The following EXOC4 variants were observed in gnomAD, a reference collection of about 807,000 sequenced individuals.
The protein encoded by EXOC4 is SEC8-like 1.
Under a neutral mutation model 107.2 loss-of-function variants are expected in EXOC4, and 71 were observed. The observed-to-expected ratio is 0.66, with a 90% confidence interval of 0.55 to 0.81. The LOEUF (loss-of-function observed/expected upper bound fraction) is 0.81. Ranked by LOEUF, EXOC4 falls within the 30% of genes least tolerant of loss-of-function variation. The probability of loss-of-function intolerance (pLI) is 0.00; values close to 1 mark genes in which losing one functional copy is unlikely to be tolerated. For synonymous variants in EXOC4, 456 were observed against 441.2 expected (o/e 1.03, Z -0.42); for missense variants, 1,108 against 1,189.6 (o/e 0.93, Z 1.01).
At chr7:133,865,881 A>G (rs1585209136) in intron 11 of EXOC4, among the ~76,000 whole-genome samples, 2 of 152,330 alleles carry the variant, frequency 1.3e-5, no homozygotes, top group East Asian at 1.9e-4. Context: ...ATTCAATATG[A>G]AATTTGAGTA....
chr7:133,793,051 C>T (rs934931433), intron 10 of EXOC4, among the ~76,000 whole-genome samples: 7 of 152,032 alleles, frequency 4.6e-5, no homozygotes, highest in African/African-American at 1.4e-4. Context: ...CTGGTAACCC[C>T]GCCCATTTTC....
At chr7:133,939,026 A>G (rs1358431092) in intron 14 of EXOC4, among the ~76,000 whole-genome samples, 2 of 152,200 alleles carry the variant, frequency 1.3e-5, no homozygotes, top group African/African-American at 4.8e-5. Context: ...CTGGGATTAC[A>G]GGCGTGAGCA....
chr7:133,573,254 A>T (rs1433117011), intron 9 of EXOC4, among the ~76,000 whole-genome samples: 2 of 152,212 alleles, frequency 1.3e-5, no homozygotes, highest in African/African-American at 4.8e-5. Context: ...AAGCAACCGC[A>T]TTTTTACAGA....
rs148931895 is a variant in EXOC4 at position 133,648,872 on chromosome 7, G to A, written c.1514+18731G>A. Among the ~76,000 whole-genome samples the A allele has an allele frequency of 4.3e-3, 658 of 152,292 alleles. 2 individuals are homozygous for A. The highest frequency in any genetic ancestry group is 0.015 in the African/African-American group (631 of 41,568). Reference sequence around the variant, plus strand: ...CAATGTCGGCAACAATTTATGAAAGGAAAGCATTGGACATATTTAATTTTT... The same window carrying A: ...CAATGTCGGCAACAATTTATGAAAGAAAAGCATTGGACATATTTAATTTTT... On this transcript the variant is annotated intron_variant, in intron 10 of 17. Transcript: ENST00000253861.
intron 1 of EXOC4, among the ~76,000 whole-genome samples, chr7:133,259,715 A>G (rs1795100091): frequency 6.6e-6 from 1 of 152,242 alleles, no homozygotes; most frequent in Non-Finnish European, 1.5e-5. Flanking sequence ...TAAAGTTATT[A>G]TCATTGATAT....
intron 3 of EXOC4, among the ~76,000 whole-genome samples, chr7:133,292,941 GTTTA>G (rs1046327229): frequency 3.9e-5 from 6 of 152,044 alleles, no homozygotes; most frequent in African/African-American, 9.7e-5. Flanking sequence ...TTATTTATTT[GTTTA>G]TTTATTTCTT....
the EXOC4 span, among the ~76,000 whole-genome samples, chr7:134,074,053 ACG>A: frequency 6.6e-6 from 1 of 152,300 alleles, no homozygotes; most frequent in East Asian, 1.9e-4. Flanking sequence ...GTTGCCTGAC[ACG>A]AGGTCCTGCC....
chr7:133,615,897 C>T (rs1802182517), intron 9 of EXOC4, among the ~76,000 whole-genome samples: 1 of 152,002 alleles, frequency 6.6e-6, no homozygotes, highest in African/African-American at 2.4e-5. Context: ...AGTGTTTTTC[C>T]AGGAAGAGAT....
chr7:133,855,096 T>TAA (rs1563028454), intron 11 of EXOC4, among the ~76,000 whole-genome samples: 2 of 95,212 alleles, frequency 2.1e-5, no homozygotes, highest in Non-Finnish European at 4.0e-5. Flanking sequence ...TATATAAATA[T>TAA]ATATATAAAT....
chr7:133,845,718 A>G (rs916067063), intron 11 of EXOC4, among the ~76,000 whole-genome samples: 2 of 152,100 alleles, frequency 1.3e-5, no homozygotes, highest in East Asian at 3.9e-4. Flanking sequence ...AAAACTCTAT[A>G]TACTTCATGT....
chr7:133,526,039 A>C (rs890597607), intron 9 of EXOC4, among the ~76,000 whole-genome samples: 28 of 152,192 alleles, frequency 1.8e-4, no homozygotes, highest in African/African-American at 6.3e-4. Flanking sequence ...TAAAGGGCTG[A>C]GTTCCCCAAA....
chr7:134,050,319 T>A (rs1463876719), intron 17 of EXOC4, among the ~76,000 whole-genome samples: 1 of 152,202 alleles, frequency 6.6e-6, no homozygotes, highest in Non-Finnish European at 1.5e-5. Context: ...ATTAACTTGC[T>A]TAGTCTTCTT....
chr7:133,444,497 A>G (rs534456682), intron 7 of EXOC4, among the ~76,000 whole-genome samples: 94 of 152,292 alleles, frequency 6.2e-4, no homozygotes, highest in African/African-American at 2.2e-3. Context: ...CACGGAGCTT[A>G]TGTCTTAGTG....
chr7:133,493,584 C>T (rs1053827161), intron 9 of EXOC4, among the ~76,000 whole-genome samples: 2 of 152,068 alleles, frequency 1.3e-5, no homozygotes, highest in Non-Finnish European at 2.9e-5. Context: ...AATTAATGAA[C>T]CAATAAGCCT....
chr7:133,725,608 T>C (rs548287332), intron 10 of EXOC4, among the ~76,000 whole-genome samples: 1 of 152,174 alleles, frequency 6.6e-6, no homozygotes, highest in Non-Finnish European at 1.5e-5. Flanking sequence ...ACTGCAGACC[T>C]CAGGTTATCC....
chr7:133,658,260 T>C (rs773438941), intron 10 of EXOC4, among the ~76,000 whole-genome samples: 3 of 152,124 alleles, frequency 2.0e-5, no homozygotes, highest in Non-Finnish European at 4.4e-5. Flanking sequence ...AGTATGAACT[T>C]GTTTCTCCAT....
chr7:133,637,136 G>C (rs765564796), intron 10 of EXOC4, among the ~76,000 whole-genome samples: 1 of 152,116 alleles, frequency 6.6e-6, no homozygotes, highest in Non-Finnish European at 1.5e-5. Flanking sequence ...GGAGTGAAAG[G>C]CTCCAAAGGT....
intron 3 of EXOC4, among the ~76,000 whole-genome samples, chr7:133,293,633 G>A (rs1284700621): frequency 6.6e-6 from 1 of 152,170 alleles, no homozygotes; most frequent in African/African-American, 2.4e-5. Context: ...CATCAGACTG[G>A]TCTGGTAGCT....
At chr7:133,331,326 T>A (rs1260021938) in intron 5 of EXOC4, among the ~76,000 whole-genome samples, 2 of 152,164 alleles carry the variant, frequency 1.3e-5, no homozygotes, top group Non-Finnish European at 2.9e-5. Context: ...AAAGAATCTC[T>A]ATAAATCAAT....
Sources: allele counts gnomAD v4.1 joint callset (sites outside exome capture counted in the v4.1 genomes callset), GRCh38; gene constraint gnomAD v4.1.1; transcripts MANE v1.5; gene names NCBI Gene and HGNC (gene_info 2026-07-23, HGNC 2026-07-21).